The following TENM1 variants were observed in gnomAD, a reference collection of about 807,000 sequenced individuals.
The protein encoded by TENM1 is teneurin transmembrane protein 1, also known as teneurin-1.
Under a neutral mutation model 174.8 loss-of-function variants are expected in TENM1, and 35 were observed. The ratio of observed to expected loss-of-function variants is 0.20; its 90% confidence interval spans 0.15 to 0.27. TENM1 has a LOEUF of 0.27. Among genes scored for constraint, TENM1 ranks in the 10% least tolerant of loss-of-function variants. The pLI, the probability that TENM1 is intolerant of heterozygous loss-of-function variation, is 1.00. For synonymous variants in TENM1, 781 were observed against 798.7 expected, an observed-to-expected ratio of 0.98 and a Z score of 0.37; for missense variants, 1,633 against 2,130.1, an observed-to-expected ratio of 0.77 and a Z score of 4.59.
At chrX:124,501,485 T>C (rs912594898) in intron 19 of TENM1, among the ~76,000 whole-genome samples, 2 of 112,098 alleles carry the variant, frequency 1.8e-5, no homozygotes, top group African/African-American at 6.5e-5. Context: ...AAGAATAGAA[T>C]GGCAACAGAC....
intron 23 of TENM1, among the ~76,000 whole-genome samples, chrX:124,437,858 C>T (rs2060860369): frequency 8.9e-6 from 1 of 111,800 alleles, no homozygotes; most frequent in East Asian, 2.8e-4. Flanking sequence ...CTGTTGGTAA[C>T]ATTTTATATG....
At position 124,753,906 on chromosome X, in the gene TENM1, G is replaced by C. The variant is rs181355570; in HGVS notation, c.536-16709C>G. Among the ~76,000 whole-genome samples the C allele has an allele frequency of 4.9e-3, 551 of 111,628 alleles. 4 individuals carry two copies. Among genetic ancestry groups the C allele is most frequent in the African/African-American group, 0.016 (505 of 30,680 alleles). ...TTCAATTTGCCAGTATTTTATTGAG[G>C]ATTTTTGCATCAATATTCATCAAGG... On this transcript the variant is annotated intron_variant, in intron 3 of 31. Transcript: ENST00000422452.
Position 124,721,918 on chromosome X carries a change from C to T in TENM1, c.776+15039G>A, listed in dbSNP as rs368202868. ...ATATATGTACACATGCCTATATGCA[C>T]GCACACAAACATACATGCATACATA... On this transcript the variant is annotated intron_variant, in intron 4 of 31. Transcript: ENST00000422452. Among the ~76,000 whole-genome samples the T allele has an allele frequency of 1.2e-4, 13 of 112,211 alleles. No individual in the cohort carries two copies. In the South Asian group the frequency reaches 1.5e-3, roughly 13 times the overall value.
chrX:125,138,276 A>G, the TENM1 span, among the ~76,000 whole-genome samples: 5 of 108,872 alleles, frequency 4.6e-5, no homozygotes, highest in Non-Finnish European at 9.5e-5. Context: ...AGTAGCAGAG[A>G]TGGATTTTCG....
intron 11 of TENM1, among the ~76,000 whole-genome samples, chrX:124,630,784 A>G (rs1249120264): frequency 2.7e-5 from 3 of 111,730 alleles, no homozygotes; most frequent in Non-Finnish European, 5.6e-5. Flanking sequence ...TTGCAGAGAC[A>G]TAGTAGAAGA....
chrX:124,794,581 C>A (rs2055260365), intron 3 of TENM1, among the ~76,000 whole-genome samples: 1 of 111,124 alleles, frequency 9.0e-6, no homozygotes, highest in African/African-American at 3.3e-5. Flanking sequence ...GTACAATAGT[C>A]AGCTTCCTGG....
chrX:124,402,728 T>C (rs1225268138), intron 27 of TENM1, among the ~76,000 whole-genome samples: 1 of 111,734 alleles, frequency 8.9e-6, no homozygotes, highest in African/African-American at 3.3e-5. Context: ...AGAAAGTTTT[T>C]TTGAGGCTAT....
At chrX:124,458,865 C>A (rs1263239948) in intron 22 of TENM1, among the ~76,000 whole-genome samples, 2 of 112,362 alleles carry the variant, frequency 1.8e-5, no homozygotes, top group Non-Finnish European at 3.8e-5. Context: ...ATCCACCAAC[C>A]ACTATTTTTC....
the TENM1 span, among the ~76,000 whole-genome samples, chrX:125,202,330 A>T: frequency 8.9e-5 from 10 of 112,114 alleles, no homozygotes; most frequent in Non-Finnish European, 7.5e-5. Flanking sequence ...AAACGCGATC[A>T]ATTAAACGCT....
intron 3 of TENM1, among the ~76,000 whole-genome samples, chrX:124,764,810 T>A (rs1339568998): frequency 9.0e-6 from 1 of 110,572 alleles, no homozygotes; most frequent in Non-Finnish European, 1.9e-5. Flanking sequence ...AGGTATGATT[T>A]TGGCCCAGTA....
At chrX:124,879,956 T>C (rs2057275514) in intron 3 of TENM1, among the ~76,000 whole-genome samples, 1 of 112,265 alleles carries the variant, frequency 8.9e-6, no homozygotes, top group Non-Finnish European at 1.9e-5. Context: ...TATGGTCTTG[T>C]AATAAATTTT....
chrX:124,753,361 T>C (rs1294196445), intron 3 of TENM1, among the ~76,000 whole-genome samples: 4 of 98,257 alleles, frequency 4.1e-5, no homozygotes, highest in Admixed American at 1.1e-4. Context: ...TTTGCTGAAG[T>C]TGCTTATCAG....
intron 11 of TENM1, among the ~76,000 whole-genome samples, chrX:124,592,072 T>C (rs1051299713): frequency 8.9e-6 from 1 of 112,437 alleles, no homozygotes; most frequent in Non-Finnish European, 1.9e-5. Flanking sequence ...CTTGAGTGTG[T>C]TTTCAATTCC....
chrX:124,406,268 T>C, intron 26 of TENM1, 49 bp downstream of exon 29: 2 of 1,036,992 alleles, frequency 1.9e-6, no homozygotes, highest in Non-Finnish European at 2.7e-6. Flanking sequence ...TCAAGGTGGA[T>C]GTTGACATAG....
In TENM1 at chrX:124,400,494, G is replaced by A. The variant is rs145317938; in HGVS notation, c.5391+4537C>T. Among the ~76,000 whole-genome samples, 162 of 112,378 alleles carry A rather than the reference G, an allele frequency of 1.4e-3. 2 individuals carry two copies. In the East Asian group the frequency reaches 0.033, roughly 23 times the overall value. ...TAGAGGAAAAAAGTAAATTGGGAGAGTTTTAGATAAGTCCTTGCTTCATTT... is the reference window on the plus strand; with the variant it reads ...TAGAGGAAAAAAGTAAATTGGGAGAATTTTAGATAAGTCCTTGCTTCATTT... On this transcript the variant is annotated intron_variant, in intron 27 of 31. Coordinates refer to ENST00000422452, the Ensembl canonical transcript of TENM1.
the TENM1 span, among the ~76,000 whole-genome samples, chrX:125,001,925 TCACACACACACA>T: frequency 0.018 from 1,195 of 67,237 alleles, 32 homozygotes; most frequent in African/African-American, 0.06. Context: ...TCTAGAGAGA[TCACACACACACA>T]CACACACACA....
At chrX:124,720,651 T>C (rs1361618754) in intron 4 of TENM1, among the ~76,000 whole-genome samples, 2 of 112,306 alleles carry the variant, frequency 1.8e-5, no homozygotes, top group Admixed American at 9.4e-5. Flanking sequence ...GTCTCAGATA[T>C]TTTGGGTTCA....
At chrX:124,581,566 T>G (rs2049312276) in intron 11 of TENM1, among the ~76,000 whole-genome samples, 1 of 112,431 alleles carries the variant, frequency 8.9e-6, no homozygotes, top group Non-Finnish European at 1.9e-5. Flanking sequence ...GTAATGGGAC[T>G]GCTTGATTGA....
the TENM1 span, among the ~76,000 whole-genome samples, chrX:125,125,078 T>A: frequency 8.9e-6 from 1 of 112,417 alleles, no homozygotes; most frequent in Non-Finnish European, 1.9e-5. Context: ...AAAAGGCTGG[T>A]TAAGATATTG....
Sources: gnomAD v4.1 joint callset for allele counts (sites outside exome capture counted in the v4.1 genomes callset) on GRCh38, gnomAD v4.1.1 for gene constraint, MANE v1.5 for transcripts, NCBI Gene and HGNC (gene_info 2026-07-23, HGNC 2026-07-21) for gene names.